The following MINDY2 variants were observed in gnomAD, a reference collection of about 807,000 sequenced individuals.
MINDY2 encodes the protein ubiquitin carboxyl-terminal hydrolase MINDY-2.
A neutral mutation model predicts 68.2 loss-of-function variants in MINDY2; 52 were observed. The ratio of observed to expected loss-of-function variants is 0.76; its 90% CI spans 0.61 to 0.96. MINDY2 has a LOEUF of 0.96. Among genes scored for constraint, MINDY2 ranks in the 40% least tolerant of loss-of-function variants. The pLI is 0.00. For synonymous variants in MINDY2, 372 were observed against 303.0 expected (o/e 1.23, Z -2.36); for missense variants, 881 against 773.4 (o/e 1.14, Z -1.65).
intron 1 of MINDY2, among the ~76,000 whole-genome samples, chr15:58,778,879 C>G (rs1434657314): frequency 7.3e-6 from 1 of 136,208 alleles, no homozygotes; most frequent in African/African-American, 2.9e-5. Context: ...GTGGCACGAT[C>G]TTGGCTCACT....
chr15:58,796,195 A>G (rs1427098077), intron 2 of MINDY2: 1 of 453,290 alleles, frequency 2.2e-6, no homozygotes, highest in East Asian at 7.0e-5. Flanking sequence ...CTTAATGGAG[A>G]ACATGTGACT....
intron 2 of MINDY2, among the ~76,000 whole-genome samples, chr15:58,790,448 C>T (rs1216033124): frequency 6.6e-6 from 1 of 151,800 alleles, no homozygotes; most frequent in African/African-American, 2.4e-5. Context: ...CATATGGGGC[C>T]CTAAAGATGT....
rs746074293 is a variant in MINDY2, at chr15:58,771,707, G to T, written c.312G>T (p.Gly104=). Residue 104 remains glycine, a synonymous_variant, in exon 1 of 9, where the codon GGG becomes GGT. Transcript: ENST00000559228. ...SPAAAEAPLR[G]QYKVTASPET... ...CTGCCGCCGAGGCGCCTCTGAGAGG[G>T]CAGTACAAGGTGACCGCCTCCCCGG... 2 of 1,612,300 alleles carry T rather than the reference G, an allele frequency of 1.2e-6. No individual in the cohort carries two copies. Among genetic ancestry groups the T allele is most frequent in the Non-Finnish European group, 1.7e-6 (2 of 1,179,794 alleles).
chr15:58,853,678 G>C (rs1463044920), intron 8 of MINDY2, among the ~76,000 whole-genome samples: 3 of 151,702 alleles, frequency 2.0e-5, no homozygotes, highest in Non-Finnish European at 4.4e-5. Flanking sequence ...AAATTAGCTG[G>C]GTGTGGTGGC....
chr15:58,783,917 G>T (rs1172093718), intron 1 of MINDY2, among the ~76,000 whole-genome samples: 2 of 152,160 alleles, frequency 1.3e-5, no homozygotes, highest in Non-Finnish European at 2.9e-5. Flanking sequence ...CTGCACTCCA[G>T]CCTGGACGAT....
Position 58,861,722 on chromosome 15 carries a change from GTAT to G in MINDY2, c.*7117_*7119del, listed in dbSNP as rs1445498210. The G allele has an allele frequency of 6.6e-6, 1 of 152,096 alleles. No homozygotes were observed. Among genetic ancestry groups the G allele is most frequent in the Admixed American group, 6.5e-5 (1 of 15,270 alleles). The allele number at this position is 152,096 out of a possible 1,614,324, so 9.4% of individuals were successfully genotyped here. ...AAAATATTTCTGACAGAATTATTCA[GTAT>G]TATTCAACATTTACTTTCATGTTTG... On this transcript the variant is annotated 3_prime_UTR_variant, in exon 9 of 9. Transcript: ENST00000559228.
rs1487933697 is a variant in MINDY2, at chr15:58,858,910, G to A, written c.*4300G>A. The A allele has an allele frequency of 6.6e-6, 1 of 152,116 alleles. No individual in the cohort carries two copies. Among genetic ancestry groups the A allele is most frequent in the Non-Finnish European group, 1.5e-5 (1 of 67,978 alleles). The allele number at this position is 152,116 out of a possible 1,614,324, so 9.4% of individuals were successfully genotyped here. A position where few individuals can be genotyped will look rare whatever the true frequency, so the allele number is the denominator to read the frequency against. On this transcript the variant is annotated 3_prime_UTR_variant, in exon 9 of 9. Transcript: ENST00000559228. ...ATCTTGCCTTGGGCAAACTTTCTGTGCCTCAATGTACTCTTTAAATATGTG... is the reference window on the plus strand; with the variant it reads ...ATCTTGCCTTGGGCAAACTTTCTGTACCTCAATGTACTCTTTAAATATGTG...
chr15:58,776,283 G>A (rs1900764994), intron 1 of MINDY2, among the ~76,000 whole-genome samples: 1 of 152,100 alleles, frequency 6.6e-6, no homozygotes, highest in Non-Finnish European at 1.5e-5. Context: ...ATTGCCAGCA[G>A]AAACATCCTC....
chr15:58,826,464 G>A (rs1206047049), intron 5 of MINDY2, among the ~76,000 whole-genome samples: 1 of 151,988 alleles, frequency 6.6e-6, no homozygotes, highest in African/African-American at 2.4e-5. Context: ...CCCAACCTCA[G>A]GTGATCCGCC....
At position 58,774,334 on chromosome 15, in the gene MINDY2, A is replaced by C. The variant is rs561106729; in HGVS notation, c.840+2099A>C. Among the ~76,000 whole-genome samples the C allele has an allele frequency of 3.9e-5, 6 of 152,238 alleles. No individual in the cohort carries two copies. The East Asian group carries it at 1.2e-3, about 29-fold the overall frequency. On this transcript the variant is annotated intron_variant, in intron 1 of 8. Coordinates refer to ENST00000559228, the MANE Select transcript of MINDY2 (RefSeq NM_001040450.3). ...CCCGTCTCTACTAAACATACAAAAA[A>C]TTAGACGGGCATGGTGGTGGGCACC...
intron 4 of MINDY2, among the ~76,000 whole-genome samples, chr15:58,818,447 G>A (rs1329520631): frequency 1.3e-5 from 2 of 151,904 alleles, no homozygotes; most frequent in South Asian, 4.2e-4. Flanking sequence ...GTGAAGACAG[G>A]GCCTTGTTAT....
intron 2 of MINDY2, among the ~76,000 whole-genome samples, chr15:58,794,036 T>G (rs1474341301): frequency 6.6e-6 from 1 of 152,164 alleles, no homozygotes; most frequent in Non-Finnish European, 1.5e-5. Context: ...GCTGGACTTT[T>G]GCCTGATGAG....
intron 5 of MINDY2, among the ~76,000 whole-genome samples, 200 bp downstream of exon 5, chr15:58,822,019 G>A (rs1238285074): frequency 1.3e-5 from 2 of 152,152 alleles, no homozygotes; most frequent in Non-Finnish European, 2.9e-5. Context: ...AGAGGCCAAG[G>A]CAGGCAGATC....
chr15:58,780,003 G>A (rs1365730271), intron 1 of MINDY2, among the ~76,000 whole-genome samples: 3 of 152,134 alleles, frequency 2.0e-5, no homozygotes, highest in African/African-American at 7.2e-5. Context: ...TTATTTTTGT[G>A]TCCAGATACT....
At chr15:58,838,250 T>C (rs1328885705) in intron 6 of MINDY2, among the ~76,000 whole-genome samples, 4 of 151,416 alleles carry the variant, frequency 2.6e-5, no homozygotes, top group African/African-American at 9.7e-5. Flanking sequence ...ATACAAAAAC[T>C]AGCTGGGCAT....
Position 58,851,911 on chromosome 15 carries a change from T to G in MINDY2, c.1683T>G (p.Tyr561Ter), listed in dbSNP as rs755466687. 1 of 1,607,712 alleles carries G rather than the reference T, an allele frequency of 6.2e-7. No homozygotes were observed. Among genetic ancestry groups the G allele is most frequent in the Non-Finnish European group, 8.5e-7 (1 of 1,178,562 alleles). The change falls in exon 8 of 9, where the codon TAT (tyrosine) becomes TAG (stop). Residue 561 changes from tyrosine (Y) to a stop codon, truncating the protein, a stop_gained. Coordinates refer to ENST00000559228, the MANE Select transcript of MINDY2 (RefSeq NM_001040450.3). LOFTEE classifies it high-confidence loss of function. ...EEEDRRASQY[Y>*]QEQEQAAAAA... is the part of the protein sequence containing the mutation. ...AGGACAGACGGGCTTCTCAATACTATCAGGAACAGGAACAAGCAGCAGCTG... is the reference window on the plus strand; with the variant it reads ...AGGACAGACGGGCTTCTCAATACTAGCAGGAACAGGAACAAGCAGCAGCTG...
chr15:58,788,024 A>G (rs1422849867), intron 2 of MINDY2, 61 bp downstream of exon 2: 5 of 1,161,110 alleles, frequency 4.3e-6, no homozygotes, highest in Admixed American at 2.2e-5. Context: ...AAGCTAGTTG[A>G]TTACCCAGTC....
intron 2 of MINDY2, 90 bp downstream of exon 2, chr15:58,788,053 A>G (rs559622041): frequency 4.9e-6 from 4 of 810,154 alleles, no homozygotes; most frequent in South Asian, 2.0e-5. Context: ...CTGAAGTGCT[A>G]TTATATAATC....
intron 4 of MINDY2, among the ~76,000 whole-genome samples, chr15:58,814,836 A>T (rs1226920835): frequency 7.0e-6 from 1 of 142,930 alleles, no homozygotes; most frequent in Non-Finnish European, 1.5e-5. Flanking sequence ...TCACTGTATG[A>T]CACGCTTGAA....
Sources: allele counts gnomAD v4.1 joint callset (sites outside exome capture counted in the v4.1 genomes callset), GRCh38; gene constraint gnomAD v4.1.1; transcripts MANE v1.5; gene names NCBI Gene and HGNC (gene_info 2026-07-23, HGNC 2026-07-21).